ANKRD30A: variants seen among roughly 807,000 people sequenced by gnomAD.
ANKRD30A encodes ankyrin repeat domain-containing protein 30A.
In ANKRD30A, 170 loss-of-function variants were observed where a neutral mutation model predicts 166.3. That is an observed-to-expected ratio of 1.02 (90% CI 0.90 to 1.16). The LOEUF is 1.16. Among genes scored for constraint, ANKRD30A ranks in the 50% most tolerant of loss-of-function variants. The pLI, the probability that ANKRD30A is intolerant of heterozygous loss-of-function variation, is 0.00. For synonymous variants in ANKRD30A, 564 were observed against 508.9 expected, an observed-to-expected ratio of 1.11 and a Z score of -1.46; for missense variants, 1,630 against 1,518.0, an observed-to-expected ratio of 1.07 and a Z score of -1.23.
chr10:37,145,057 G>T lies in ANKRD30A; in HGVS notation c.1455+1G>T. 1.3e-6 allele frequency: 2 copies of T among 1,582,826 alleles called. No homozygotes were observed. The highest frequency in any genetic ancestry group is 1.7e-6 in the Non-Finnish European group (2 of 1,162,186). On this transcript the variant is annotated splice_donor_variant, in intron 8 of 35. Coordinates refer to ENST00000361713, the MANE Select transcript of ANKRD30A (RefSeq NM_052997.3). LOFTEE classifies it high-confidence loss of function. Reference sequence around the variant, plus strand: ...TGAAGAATATTCTTGTGATTCTCGGGTATTGTGTATTATTGATGTTATTCT... The same window carrying T: ...TGAAGAATATTCTTGTGATTCTCGGTTATTGTGTATTATTGATGTTATTCT...
Position 37,200,468 on chromosome 10 carries a change from C to T in ANKRD30A, c.2778+680C>T, listed in dbSNP as rs537709938. Among the ~76,000 whole-genome samples, 12 of 152,086 alleles carry T rather than the reference C, an allele frequency of 7.9e-5. 1 individual carries two copies. The highest frequency in any genetic ancestry group is 2.9e-4 in the African/African-American group (12 of 41,522). On this transcript the variant is annotated intron_variant, in intron 30 of 35. Transcript: ENST00000361713. ...GTGATGTATTTTAAGGTCACAACGG[C>T]GGAAAGACATAGAAAGTATCTGACC... is the stretch of plus-strand genomic sequence containing the variant.
intron 6 of ANKRD30A, among the ~76,000 whole-genome samples, chr10:37,139,180 A>T (rs935676667): frequency 3.3e-5 from 5 of 152,254 alleles, no homozygotes; most frequent in Non-Finnish European, 7.3e-5. Flanking sequence ...AAATGCTGAG[A>T]GATTTTGTCA....
At position 37,197,535 on chromosome 10, in the gene ANKRD30A, GA is replaced by G. The variant is rs768041353; in HGVS notation, c.2716+56del. 2.1e-4 allele frequency: 346 copies of G among 1,609,802 alleles called. 2 individuals are homozygous for G. Among genetic ancestry groups the G allele is most frequent in the Admixed American group, 7.7e-4 (46 of 59,882 alleles). The stretch of plus-strand genomic sequence containing the variant: ...CCAATATTTCAATATTGAACATTTT[GA>G]TGGTCTTTCTATCCCCAATGCTTTA... On this transcript the variant is annotated intron_variant, in intron 29 of 35. Transcript: ENST00000361713.
intron 31 of ANKRD30A, among the ~76,000 whole-genome samples, chr10:37,204,454 T>A: frequency 6.6e-6 from 1 of 152,136 alleles, no homozygotes; most frequent in Non-Finnish European, 1.5e-5. Context: ...TTACAACTTA[T>A]ACAAAAATTA....
At chr10:37,135,153 T>G (rs1298786040) in intron 5 of ANKRD30A, 2 of 152,238 alleles carry the variant, frequency 1.3e-5, no homozygotes, top group Non-Finnish European at 2.9e-5. Context: ...TAGACTTCAC[T>G]CTATCTCAAG....
Position 37,158,388 on chromosome 10 carries a change from A to T in ANKRD30A, c.1799-4A>T, listed in dbSNP as rs368463421. The T allele has an allele frequency of 6.2e-7, 1 of 1,608,756 alleles. No homozygotes were observed. The highest frequency in any genetic ancestry group is 8.5e-7 in the Non-Finnish European group (1 of 1,176,050). On this transcript the variant is annotated splice_region_variant and splice_polypyrimidine_tract_variant and intron_variant, in intron 13 of 35. Coordinates refer to ENST00000361713, the MANE Select transcript of ANKRD30A (RefSeq NM_052997.3). ...ATCAATTATGTATGTCCCTTTTCTT[A>T]TAGAGTCTCCTAATAAAGATGGTCT... is the stretch of plus-strand genomic sequence containing the variant.
intron 31 of ANKRD30A, among the ~76,000 whole-genome samples, chr10:37,205,209 T>C (rs547072904): frequency 2.0e-5 from 3 of 152,170 alleles, no homozygotes; most frequent in Admixed American, 2.0e-4. Context: ...CAAATATACA[T>C]CAATGATAGA....
At chr10:37,236,373 T>C (rs1843675625), downstream of ANKRD30A, among the ~76,000 whole-genome samples, 1 of 152,146 alleles carries the variant, frequency 6.6e-6, no homozygotes, top group Admixed American at 6.5e-5. Context: ...ACTAAGCTCT[T>C]ACACACAGTT....
intron 15 of ANKRD30A, among the ~76,000 whole-genome samples, chr10:37,160,792 T>G (rs111964335): frequency 1.3e-5 from 2 of 152,102 alleles, no homozygotes; most frequent in South Asian, 4.1e-4. Flanking sequence ...CTCATATAAA[T>G]TGTGAAAATT....
At chr10:37,258,378 G>T in the ANKRD30A span, among the ~76,000 whole-genome samples, 1 of 152,118 alleles carries the variant, frequency 6.6e-6, no homozygotes, top group Non-Finnish European at 1.5e-5. Context: ...TATACCATCA[G>T]ATGTTTCAAT....
chr10:37,248,175 G>T, the ANKRD30A span: 1 of 635,758 alleles, frequency 1.6e-6, no homozygotes, highest in East Asian at 3.9e-5. Context: ...TTGCACTCGG[G>T]AGAGCATGCT....
intron 31 of ANKRD30A, among the ~76,000 whole-genome samples, chr10:37,209,799 G>A (rs915178633): frequency 1.3e-4 from 20 of 151,966 alleles, no homozygotes; most frequent in African/African-American, 4.3e-4. Flanking sequence ...GGCAATGCAG[G>A]TTAACTATTT....
chr10:37,142,252 G>A lies in ANKRD30A; in HGVS notation c.1355G>A (p.Cys452Tyr). Residue 452 changes from cysteine to tyrosine, a missense_variant, in exon 7 of 36, where the codon TGT becomes TAT. Physicochemically the swap from Cys to Tyr is radical, Grantham distance 194 (BLOSUM62 -2). This residue lies in a region of ANKRD30A where 904 missense variants were observed against 818.5 expected (regional missense o/e 1.10). Transcript: ENST00000361713. ...LEKGRSKMIA[C>Y]PTKESSTKAS... is the part of the protein sequence containing the mutation. ...AAAGGAAGATCTAAGATGATTGCAT[G>A]TCCTACAAAAGAATCATCTACAAAA... The A allele has an allele frequency of 1.2e-6, 2 of 1,601,298 alleles. No individual in the cohort carries two copies. Among genetic ancestry groups the A allele is most frequent in the South Asian group, 1.1e-5 (1 of 87,648 alleles).
At chr10:37,195,971 C>T (rs1442152175) in intron 27 of ANKRD30A, among the ~76,000 whole-genome samples, 1 of 151,296 alleles carries the variant, frequency 6.6e-6, no homozygotes, top group African/African-American at 2.4e-5. Context: ...AAAAGATAAA[C>T]AGAAATTATA....
intron 31 of ANKRD30A, among the ~76,000 whole-genome samples, chr10:37,214,448 T>A (rs188958222): frequency 8.6e-4 from 130 of 151,176 alleles, no homozygotes; most frequent in African/African-American, 3.0e-3. Context: ...GCTGTTTGAT[T>A]TCTATTAGTT....
intron 3 of ANKRD30A, among the ~76,000 whole-genome samples, 197 bp from the exon 4 acceptor site, chr10:37,132,043 T>C (rs1836408893): frequency 6.6e-6 from 1 of 152,198 alleles, no homozygotes; most frequent in Non-Finnish European, 1.5e-5. Context: ...ACCAGAGTTA[T>C]GTGGTGATGC....
the ANKRD30A span, among the ~76,000 whole-genome samples, chr10:37,264,891 G>A: frequency 2.4e-4 from 37 of 152,218 alleles, no homozygotes; most frequent in African/African-American, 8.7e-4. Flanking sequence ...TACTTACCTG[G>A]CATGTCCACA....
At chr10:37,235,319 C>T (rs1843624448), downstream of ANKRD30A, among the ~76,000 whole-genome samples, 1 of 152,088 alleles carries the variant, frequency 6.6e-6, no homozygotes, top group Admixed American at 6.6e-5. Context: ...AAGTGTTGCC[C>T]AGTTTCTTTC....
intron 29 of ANKRD30A, among the ~76,000 whole-genome samples, chr10:37,197,943 A>G (rs1214661967): frequency 2.0e-5 from 3 of 151,494 alleles, no homozygotes; most frequent in African/African-American, 7.3e-5. Context: ...GGATTAGTGA[A>G]CTCTGTGTGT....
Sources: gnomAD v4.1 joint callset for allele counts (sites outside exome capture counted in the v4.1 genomes callset) on GRCh38, gnomAD v4.1.1 for gene constraint, gnomAD v4.1.1 regional missense constraint, MANE v1.5 for transcripts, NCBI Gene and HGNC (gene_info 2026-07-23, HGNC 2026-07-21) for gene names.